NOTCH1: variants seen among roughly 807,000 people sequenced by gnomAD.
The protein encoded by NOTCH1 is neurogenic locus notch homolog protein 1.
In NOTCH1, 37 loss-of-function variants were observed where a neutral mutation model predicts 254.8. That is an observed-to-expected ratio of 0.15 (90% CI 0.11 to 0.19). The LOEUF is 0.19. Among genes scored for constraint, NOTCH1 ranks in the 10% least tolerant of loss-of-function variants. The probability of loss-of-function intolerance (pLI) is 1.00; values close to 1 mark genes in which losing one functional copy is unlikely to be tolerated. For missense variants in NOTCH1, 2,972 were observed against 3,708.6 expected (o/e 0.80, Z 5.16); for synonymous variants, 1,731 against 1,618.1 (o/e 1.07, Z -1.68).
At position 136,508,271 on chromosome 9, in the gene NOTCH1, C is replaced by T. The variant is rs369730402; in HGVS notation, c.3286G>A (p.Val1096Met). ...PSGWTGLYCD[V>M]PSVSCEVAAQ... ...GCCACCTCACAGGACACGCTGGGCA[C>T]GTCGCAGTAAAGGCCGGTCCAGCCG... The change falls in exon 20 of 34, where the codon GTG becomes ATG. Residue 1096 changes from valine (V) to methionine (M), a missense_variant. By Grantham distance (21) the Val-to-Met change is conservative. Transcript: ENST00000651671. 1.4e-5 allele frequency: 23 copies of T among 1,612,628 alleles called. No homozygotes were observed. The highest frequency in any genetic ancestry group is 5.0e-5 in the Admixed American group (3 of 60,000).
intron 25 of NOTCH1, 79 bp downstream of exon 25, chr9:136,505,231 G>C (rs942099613): frequency 6.6e-7 from 1 of 1,524,924 alleles, no homozygotes; most frequent in Non-Finnish European, 8.8e-7. Context: ...CCTTAGAACT[G>C]CATGCTGGCC....
rs182495399 is a variant in NOTCH1, at chr9:136,538,200, G to T, written c.140+5824C>A. Among the ~76,000 whole-genome samples the T allele has an allele frequency of 2.1e-3, 323 of 152,244 alleles. 2 individuals carry two copies. Among genetic ancestry groups the T allele is most frequent in the African/African-American group, 7.3e-3 (305 of 41,536 alleles). On this transcript the variant is annotated intron_variant, in intron 2 of 33. Coordinates refer to ENST00000651671, the MANE Select transcript of NOTCH1 (RefSeq NM_017617.5). ...TCCCTTTGCTCCCAGGGAGCAGGGT[G>T]GGGTGGGGCAGGGCCACAAGGAGAA...
chr9:136,515,798 G>T, intron 10 of NOTCH1, 82 bp from the exon 11 acceptor site: 1 of 1,346,482 alleles, frequency 7.4e-7, no homozygotes, highest in Non-Finnish European at 1.0e-6. Flanking sequence ...GGGGTCACCT[G>T]TGCCAACCTG....
chr9:136,513,304 C>G lies in NOTCH1; in HGVS notation c.2353+88G>C. ...CGGGAGGGAGACACCATGCATGGTG[C>G]TGGCTGGACCTGGGTCCCGATCCTG... On this transcript the variant is annotated intron_variant, in intron 14 of 33. Coordinates refer to ENST00000651671, the MANE Select transcript of NOTCH1 (RefSeq NM_017617.5). The surrounding 1 kb of genome is among the most constrained non-coding windows in gnomAD (Gnocchi z 4.7). 6.3e-7 allele frequency: 1 copy of G among 1,587,906 alleles called. No homozygotes were observed. The highest frequency in any genetic ancestry group is 1.1e-5 in the South Asian group (1 of 89,880).
chr9:136,517,482 C>A, intron 8 of NOTCH1, 97 bp from the exon 9 acceptor site: 2 of 940,416 alleles, frequency 2.1e-6, no homozygotes, highest in Non-Finnish European at 1.7e-6. Context: ...CTGCCTCCAG[C>A]CCAGTGTCCC....
chr9:136,527,419 G>A (rs971444590), intron 2 of NOTCH1, among the ~76,000 whole-genome samples: 5 of 152,098 alleles, frequency 3.3e-5, no homozygotes, highest in Non-Finnish European at 5.9e-5. Flanking sequence ...CGAGGTGGGC[G>A]CCAGGGCTTG....
intron 2 of NOTCH1, among the ~76,000 whole-genome samples, chr9:136,529,488 C>T (rs1050782564): frequency 1.3e-5 from 2 of 152,188 alleles, no homozygotes; most frequent in Non-Finnish European, 2.9e-5. Context: ...GGTCCCACCT[C>T]GGGTCCTCTC....
intron 2 of NOTCH1, among the ~76,000 whole-genome samples, 181 bp from the exon 3 acceptor site, chr9:136,524,160 G>A (rs1843422141): frequency 1.3e-5 from 2 of 152,206 alleles, no homozygotes; most frequent in South Asian, 4.1e-4. Flanking sequence ...GACACATGCC[G>A]CGATTGCACA....
chr9:136,519,681 GC>G, intron 4 of NOTCH1, 116 bp from the exon 5 acceptor site: 1 of 1,525,604 alleles, frequency 6.6e-7, no homozygotes, highest in Non-Finnish European at 9.0e-7. Context: ...CTGCCCTGGG[GC>G]CCCCGGGGTC....
At chr9:136,518,037 C>A in intron 7 of NOTCH1, 100 bp from the exon 8 acceptor site, 1 of 1,559,448 alleles carries the variant, frequency 6.4e-7, no homozygotes, top group East Asian at 2.3e-5. Context: ...TCCCATCCCC[C>A]ATCTAACTGG....
chr9:136,531,098 T>C (rs1376105431), intron 2 of NOTCH1, among the ~76,000 whole-genome samples: 2 of 152,138 alleles, frequency 1.3e-5, no homozygotes, highest in African/African-American at 4.8e-5. Context: ...CCAGCGTCCT[T>C]GTTAAGAATG....
At chr9:136,518,378 C>A (rs1843312012) in intron 6 of NOTCH1, 86 bp from the exon 7 acceptor site, 2 of 1,516,264 alleles carry the variant, frequency 1.3e-6, no homozygotes, top group African/African-American at 1.4e-5. Context: ...CCCACTGACA[C>A]CCCAGGAGGA....
intron 2 of NOTCH1, among the ~76,000 whole-genome samples, chr9:136,537,632 C>CA (rs1218769508): frequency 1.3e-5 from 2 of 152,102 alleles, no homozygotes; most frequent in South Asian, 2.1e-4. Flanking sequence ...CCCGCTTCTG[C>CA]AAAAAAATTT....
intron 2 of NOTCH1, among the ~76,000 whole-genome samples, chr9:136,528,493 A>C: frequency 2.0e-5 from 1 of 50,956 alleles, no homozygotes; most frequent in Non-Finnish European, 3.5e-5. Context: ...AGTGCGGGGA[A>C]TGGGCAGGGA....
At chr9:136,512,086 C>G (rs906795083) in intron 15 of NOTCH1, among the ~76,000 whole-genome samples, 1 of 152,222 alleles carries the variant, frequency 6.6e-6, no homozygotes, top group Non-Finnish European at 1.5e-5. Context: ...GACAATTGTG[C>G]GAAAGGAAGC....
rs774011231 is a variant in NOTCH1, at chr9:136,523,118, G to C, written c.474C>G (p.Phe158Leu). 1 of 1,603,356 alleles carries C rather than the reference G, an allele frequency of 6.2e-7. No individual in the cohort carries two copies. Among genetic ancestry groups the C allele is most frequent in the Non-Finnish European group, 8.5e-7 (1 of 1,176,032 alleles). The change falls in exon 4 of 34, where the codon TTC becomes TTG. Residue 158 changes from phenylalanine to leucine, a missense_variant. This residue lies in a region of NOTCH1 where 374 missense variants were observed against 496.3 expected (regional missense o/e 0.75). Transcript: ENST00000651671. ...PCANGGQCLP[F>L]EASYICHCPP... The stretch of plus-strand genomic sequence containing the variant: ...GGCAGTGGCAGATGTAGGAGGCCTC[G>C]AAGGGCAGGCACTGGCCACCGTTGG...
At position 136,501,878 on chromosome 9, in the gene NOTCH1, G is replaced by A. The variant is rs764146134; in HGVS notation, c.5508C>T (p.Asp1836=). The A allele has an allele frequency of 2.5e-6, 4 of 1,612,214 alleles. No individual in the cohort carries two copies. The highest frequency in any genetic ancestry group is 2.2e-5 in the South Asian group (2 of 91,084). Residue 1836 remains aspartate, a synonymous_variant, in exon 30 of 34, where the codon GAC becomes GAT. Coordinates refer to ENST00000651671, the MANE Select transcript of NOTCH1 (RefSeq NM_017617.5). ...EEPVVLPDLD[D]QTDHRQWTQQ... ...GAGTCCACTGCCGGTGGTCTGTCTG[G>A]TCGTCCAGGTCAGGCAGAACCACGG...
Position 136,501,983 on chromosome 9 carries a change from G to T in NOTCH1, c.5472+18C>A, listed in dbSNP as rs199812169. The T allele has an allele frequency of 1.9e-6, 3 of 1,612,110 alleles. No homozygotes were observed. Among genetic ancestry groups the T allele is most frequent in the Non-Finnish European group, 2.5e-6 (3 of 1,179,862 alleles). On this transcript the variant is annotated intron_variant, in intron 29 of 33. Transcript: ENST00000651671. ...CAGGTGCCCGGGAGCCCAGGAGCCC[G>T]GGAGCCTCGCGACTCACCCGGAACT...
chr9:136,534,345 C>G (rs1031266948), intron 2 of NOTCH1, among the ~76,000 whole-genome samples: 1 of 152,212 alleles, frequency 6.6e-6, no homozygotes, highest in East Asian at 1.9e-4. Context: ...TTCAGAGATG[C>G]ACAATGGACT....
Sources: allele counts gnomAD v4.1 joint callset (sites outside exome capture counted in the v4.1 genomes callset), GRCh38; gene constraint gnomAD v4.1.1; regional missense constraint gnomAD v4.1.1; non-coding constraint Gnocchi (gnomAD v3.1); transcripts MANE v1.5; gene names NCBI Gene and HGNC (gene_info 2026-07-23, HGNC 2026-07-21).